The following IFT43 variants were observed in gnomAD, a reference collection of about 807,000 sequenced individuals.
IFT43 encodes the protein intraflagellar transport protein 43 homolog.
Under a neutral mutation model 32.3 loss-of-function variants are expected in IFT43, and 33 were observed. The observed-to-expected ratio is 1.02, with a 90% CI of 0.77 to 1.37. IFT43 has a LOEUF of 1.37. Ranked by LOEUF, IFT43 falls within the 40% of genes most tolerant of loss-of-function variation. IFT43 has a pLI of 0.00. For synonymous variants in IFT43, 93 were observed against 98.2 expected (o/e 0.95, Z 0.31); for missense variants, 274 against 265.9 (o/e 1.03, Z -0.21).
At chr14:75,986,290 G>C in intron 1 of IFT43, 1 of 1,260,686 alleles carries the variant, frequency 7.9e-7, no homozygotes, top group Non-Finnish European at 1.0e-6. Flanking sequence ...GAGGCAGGCA[G>C]GGACGGCCTT....
chr14:75,993,641 CAA>C (rs1448622184), intron 2 of IFT43, among the ~76,000 whole-genome samples: 2 of 152,204 alleles, frequency 1.3e-5, no homozygotes, highest in Non-Finnish European at 2.9e-5. Context: ...TTTCACATAG[CAA>C]AGAGTCCAGT....
Position 76,002,491 on chromosome 14 carries a change from G to A in IFT43, c.147+13514G>A, listed in dbSNP as rs548998805. Among the ~76,000 whole-genome samples the A allele has an allele frequency of 5.3e-5, 8 of 152,228 alleles. No homozygotes were observed. The South Asian group carries it at 1.7e-3, about 32-fold the overall frequency. ...GGGGACTGGATATTTCAGAGATGGA[G>A]CAGTTCCAGTTATGACTGGAGTTTC... is the stretch of plus-strand genomic sequence containing the variant. On this transcript the variant is annotated intron_variant, in intron 2 of 8. Transcript: ENST00000314067.
chr14:76,050,856 T>C (rs923433267), intron 3 of IFT43, among the ~76,000 whole-genome samples: 1 of 152,194 alleles, frequency 6.6e-6, no homozygotes, highest in Non-Finnish European at 1.5e-5. Flanking sequence ...CTGCTGCCTT[T>C]TCTTGATAGC....
intron 2 of IFT43, among the ~76,000 whole-genome samples, chr14:75,999,241 A>AATATTCATT (rs1408982797): frequency 0.019 from 241 of 12,824 alleles, 1 homozygote; most frequent in South Asian, 0.058. Context: ...ATATATATAT[A>AATATTCATT]TATATATATA....
chr14:76,016,477 A>G lies in IFT43; in HGVS notation c.148-5850A>G, dbSNP rs376791482. Among the ~76,000 whole-genome samples, 43 of 152,282 alleles carry G rather than the reference A, an allele frequency of 2.8e-4. No individual in the cohort carries two copies. The South Asian group carries it at 8.5e-3, about 30-fold the overall frequency. On this transcript the variant is annotated intron_variant, in intron 2 of 8. Coordinates refer to ENST00000314067, the MANE Select transcript of IFT43 (RefSeq NM_001102564.3). Reference sequence around the variant, plus strand: ...AGCTTTGTAGTATTATATATTTTGAAGTCAAATAGTGTGATGCCTCCATCT... The same window carrying G: ...AGCTTTGTAGTATTATATATTTTGAGGTCAAATAGTGTGATGCCTCCATCT...
At chr14:75,999,273 GTA>G (rs2035833490) in intron 2 of IFT43, among the ~76,000 whole-genome samples, 1 of 22,228 alleles carries the variant, frequency 4.5e-5, no homozygotes, top group East Asian at 1.8e-3. Flanking sequence ...ATATATATAT[GTA>G]TATATATTTT....
intron 5 of IFT43, among the ~76,000 whole-genome samples, chr14:76,064,959 A>C (rs896989265): frequency 2.0e-5 from 3 of 152,202 alleles, no homozygotes; most frequent in African/African-American, 7.2e-5. Context: ...TCAAGGAGTA[A>C]CTGCTAAATG....
chr14:76,027,416 A>C (rs1669471715), intron 3 of IFT43, among the ~76,000 whole-genome samples: 1 of 151,360 alleles, frequency 6.6e-6, no homozygotes, highest in African/African-American at 2.4e-5. Context: ...TTTAGCATGC[A>C]TCTCTCAAGA....
chr14:76,032,139 A>T (rs893681601), intron 3 of IFT43, among the ~76,000 whole-genome samples: 3 of 152,084 alleles, frequency 2.0e-5, no homozygotes, highest in Admixed American at 1.3e-4. Context: ...AATTGCTCAG[A>T]TTGTAAACTT....
chr14:76,044,185 A>G (rs2036760488), intron 3 of IFT43, among the ~76,000 whole-genome samples: 2 of 151,858 alleles, frequency 1.3e-5, no homozygotes, highest in South Asian at 4.2e-4. Flanking sequence ...GATTACAGGC[A>G]TGTACCACCA....
chr14:75,985,903 C>T (rs2035512554), intron 1 of IFT43, 63 bp downstream of exon 1: 3 of 1,590,998 alleles, frequency 1.9e-6, no homozygotes, highest in South Asian at 1.1e-5. Flanking sequence ...GCGACCCCGC[C>T]GGCCCCGACT....
chr14:76,002,413 G>C, intron 2 of IFT43, among the ~76,000 whole-genome samples: 1 of 152,128 alleles, frequency 6.6e-6, no homozygotes, highest in East Asian at 1.9e-4. Context: ...GAGCTAGGTT[G>C]ATAGGGAAAG....
intron 3 of IFT43, among the ~76,000 whole-genome samples, chr14:76,030,284 T>C (rs1370732210): frequency 6.6e-6 from 1 of 152,164 alleles, no homozygotes; most frequent in African/African-American, 2.4e-5. Flanking sequence ...TTGTCCCATG[T>C]TTGGCCAGGG....
At chr14:76,074,156 A>G (rs2037371965) in intron 5 of IFT43, among the ~76,000 whole-genome samples, 1 of 152,082 alleles carries the variant, frequency 6.6e-6, no homozygotes, top group African/African-American at 2.4e-5. Context: ...AGAGGATGAA[A>G]TAGAATCAGA....
chr14:76,029,397 C>T (rs2036465030), intron 3 of IFT43, among the ~76,000 whole-genome samples: 1 of 152,114 alleles, frequency 6.6e-6, no homozygotes, highest in Admixed American at 6.6e-5. Context: ...AAAATTTTCT[C>T]CCATTCTTAG....
intron 3 of IFT43, among the ~76,000 whole-genome samples, chr14:76,044,702 G>T (rs76256080): frequency 0.013 from 1,954 of 152,144 alleles, 52 homozygotes; most frequent in African/African-American, 0.045. Flanking sequence ...CATACAAAAA[G>T]ACATAACACA....
intron 2 of IFT43, among the ~76,000 whole-genome samples, chr14:76,002,346 G>A (rs988401446): frequency 1.2e-4 from 12 of 103,964 alleles, no homozygotes; most frequent in Admixed American, 1.1e-3. Flanking sequence ...CATAGCAAGG[G>A]GAAGTGTGGT....
At chr14:76,075,603 G>A (rs1259831827) in intron 5 of IFT43, among the ~76,000 whole-genome samples, 1 of 152,240 alleles carries the variant, frequency 6.6e-6, no homozygotes, top group Non-Finnish European at 1.5e-5. Flanking sequence ...ACCATGAAAT[G>A]CATGGAGTGT....
At chr14:76,068,190 A>C (rs1381681469) in intron 5 of IFT43, among the ~76,000 whole-genome samples, 1 of 152,240 alleles carries the variant, frequency 6.6e-6, no homozygotes, top group African/African-American at 2.4e-5. Flanking sequence ...TTCAGGAGAA[A>C]GGAAGAGCAT....
Sources: allele counts gnomAD v4.1 joint callset (sites outside exome capture counted in the v4.1 genomes callset), GRCh38; gene constraint gnomAD v4.1.1; transcripts MANE v1.5; gene names NCBI Gene and HGNC (gene_info 2026-07-23, HGNC 2026-07-21).